The following CHST8 variants were observed in gnomAD, a reference collection of about 807,000 sequenced individuals.
CHST8 encodes carbohydrate sulfotransferase 8.
A neutral mutation model predicts 15.0 loss-of-function variants in CHST8; 10 were observed. The observed-to-expected ratio is 0.67, with a 90% CI of 0.41 to 1.13. The LOEUF is 1.13. Ranked by LOEUF, CHST8 falls within the 50% of genes most tolerant of loss-of-function variation. The probability of loss-of-function intolerance (pLI) is 0.00; values close to 1 mark genes in which losing one functional copy is unlikely to be tolerated. For synonymous variants in CHST8, 259 were observed against 256.6 expected (o/e 1.01, Z -0.09); for missense variants, 634 against 608.2 (o/e 1.04, Z -0.45).
chr19:33,752,680 T>G (rs925607164), intron 3 of CHST8, among the ~76,000 whole-genome samples: 7 of 152,158 alleles, frequency 4.6e-5, no homozygotes, highest in African/African-American at 1.7e-4. Context: ...GTGTTTGGAC[T>G]CTGATTGTGG....
chr19:33,643,293 A>G (rs547253104), intron 1 of CHST8, among the ~76,000 whole-genome samples: 3 of 152,108 alleles, frequency 2.0e-5, no homozygotes, highest in African/African-American at 7.2e-5. Context: ...GAGGGGCGTG[A>G]TTATTGCCTT....
Position 33,668,076 on chromosome 19 carries a change from G to C in CHST8, c.-87+233G>C, listed in dbSNP as rs116475867. Among the ~76,000 whole-genome samples, 906 of 152,258 alleles carry C rather than the reference G, an allele frequency of 6.0e-3. 9 individuals carry two copies. The highest frequency in any genetic ancestry group is 0.02 in the African/African-American group (850 of 41,542). On this transcript the variant is annotated intron_variant, in intron 2 of 4. Transcript: ENST00000650847. Reference sequence around the variant, plus strand: ...AGTGGGCCTAACCCCGAGTGAATGCGTCAGACAGCACATCTGACACTCGGT... The same window carrying C: ...AGTGGGCCTAACCCCGAGTGAATGCCTCAGACAGCACATCTGACACTCGGT...
rs1490761166 is a variant in CHST8, at chr19:33,772,119, C to G, written c.331C>G (p.Arg111Gly). Residue 111 changes from arginine to glycine, a missense_variant, in exon 5 of 5, where the codon CGT becomes GGT. Coordinates refer to ENST00000650847, the MANE Select transcript of CHST8 (RefSeq NM_001127895.2). ...RGTRLRLRQRRRRLLIKKMPA... is the reference protein window; with the variant it reads ...RGTRLRLRQRGRRLLIKKMPA... Reference sequence around the variant, plus strand: ...AACCCGTCTGCGGCTCCGCCAGCGCCGTCGCCGTCTGCTCATCAAGAAAAT... The same window carrying G: ...AACCCGTCTGCGGCTCCGCCAGCGCGGTCGCCGTCTGCTCATCAAGAAAAT... 5 of 1,610,654 alleles carry G rather than the reference C, an allele frequency of 3.1e-6. No homozygotes were observed. Among genetic ancestry groups the G allele is most frequent in the Non-Finnish European group, 4.2e-6 (5 of 1,179,014 alleles).
chr19:33,634,361 CATT>C (rs1484986836), intron 1 of CHST8, among the ~76,000 whole-genome samples: 2 of 152,210 alleles, frequency 1.3e-5, no homozygotes, highest in Non-Finnish European at 2.9e-5. Flanking sequence ...GACCTGGAAA[CATT>C]ATTCAACAAA....
At chr19:33,762,863 TC>T (rs869122080) in intron 3 of CHST8, among the ~76,000 whole-genome samples, 1,459 of 86,868 alleles carry the variant, frequency 0.017, 18 homozygotes, top group African/African-American at 0.041. Context: ...CAGTTTTCTC[TC>T]TTTTTTTTTT....
chr19:33,634,629 A>G (rs1346191826), intron 1 of CHST8, among the ~76,000 whole-genome samples: 1 of 123,822 alleles, frequency 8.1e-6, no homozygotes, highest in Non-Finnish European at 1.6e-5. Flanking sequence ...ACAGCCCTTG[A>G]CCCATTGGTC....
intron 1 of CHST8, among the ~76,000 whole-genome samples, chr19:33,634,630 C>G (rs1161847370): frequency 1.4e-5 from 2 of 146,836 alleles, no homozygotes; most frequent in Non-Finnish European, 3.0e-5. Context: ...CAGCCCTTGA[C>G]CCATTGGTCC....
chr19:33,771,851 A>G (rs1599647664), intron 4 of CHST8, 106 bp from the exon 5 acceptor site: 1 of 1,331,392 alleles, frequency 7.5e-7, no homozygotes, highest in East Asian at 2.3e-5. Context: ...TGTCTCCCTC[A>G]CCTGAGAGGG....
intron 3 of CHST8, among the ~76,000 whole-genome samples, chr19:33,750,733 T>C (rs866482893): frequency 1.3e-5 from 2 of 152,144 alleles, no homozygotes; most frequent in African/African-American, 4.8e-5. Context: ...ACGGTTCTCT[T>C]ACAAGGCCCC....
chr19:33,706,524 C>T (rs1234703569), intron 3 of CHST8, among the ~76,000 whole-genome samples: 1 of 152,158 alleles, frequency 6.6e-6, no homozygotes, highest in Admixed American at 6.5e-5. Context: ...ATGTCACCTG[C>T]CAGGTCATGG....
At chr19:33,655,858 T>C (rs1035349668) in intron 1 of CHST8, among the ~76,000 whole-genome samples, 1 of 152,222 alleles carries the variant, frequency 6.6e-6, no homozygotes, top group Non-Finnish European at 1.5e-5. Context: ...TATTTATTCA[T>C]CCTGCTGTTC....
chr19:33,717,423 T>C (rs1186150880), intron 3 of CHST8, among the ~76,000 whole-genome samples: 1 of 151,798 alleles, frequency 6.6e-6, no homozygotes, highest in Non-Finnish European at 1.5e-5. Flanking sequence ...ATCACACCAC[T>C]GCACTCCAGC....
At chr19:33,753,441 CT>C (rs1974462393) in intron 3 of CHST8, among the ~76,000 whole-genome samples, 1 of 26,068 alleles carries the variant, frequency 3.8e-5, no homozygotes, top group African/African-American at 2.6e-4. Context: ...ACCCTCCATC[CT>C]CCCACCACCC....
intron 1 of CHST8, among the ~76,000 whole-genome samples, chr19:33,666,510 G>A (rs929428869): frequency 7.2e-5 from 11 of 152,202 alleles, no homozygotes; most frequent in African/African-American, 1.9e-4. Context: ...AGAAGGAACC[G>A]GAAGGTGGGA....
rs540572773 is a variant in CHST8 at position 33,649,615 on chromosome 19, C to T, written c.-163-18152C>T. Among the ~76,000 whole-genome samples the T allele has an allele frequency of 5.9e-5, 9 of 152,276 alleles. No individual in the cohort carries two copies. In the South Asian group the frequency reaches 1.2e-3, roughly 21 times the overall value. On this transcript the variant is annotated intron_variant, in intron 1 of 4. Coordinates refer to ENST00000650847, the MANE Select transcript of CHST8 (RefSeq NM_001127895.2). Reference sequence around the variant, plus strand: ...ACTGAACAAACATGCACGTTACATGCGTCCCATGTTTACCTTGTTTACCTT... The same window carrying T: ...ACTGAACAAACATGCACGTTACATGTGTCCCATGTTTACCTTGTTTACCTT...
intron 3 of CHST8, among the ~76,000 whole-genome samples, chr19:33,697,029 G>A (rs1039181792): frequency 6.6e-6 from 1 of 151,806 alleles, no homozygotes; most frequent in Non-Finnish European, 1.5e-5. Flanking sequence ...ATTTTTAGTA[G>A]AGATGGGGTT....
At chr19:33,764,272 T>C (rs1974789130) in intron 3 of CHST8, among the ~76,000 whole-genome samples, 1 of 152,018 alleles carries the variant, frequency 6.6e-6, no homozygotes, top group African/African-American at 2.4e-5. Flanking sequence ...CCTTCACTAC[T>C]GATCAGCAGG....
intron 2 of CHST8, among the ~76,000 whole-genome samples, chr19:33,673,677 G>C (rs920659291): frequency 6.6e-6 from 1 of 152,164 alleles, no homozygotes; most frequent in African/African-American, 2.4e-5. Flanking sequence ...CTTCCTCCTG[G>C]GCATGCTGGG....
intron 3 of CHST8, among the ~76,000 whole-genome samples, chr19:33,700,084 G>A (rs182970964): frequency 1.6e-4 from 24 of 152,302 alleles, no homozygotes; most frequent in Admixed American, 1.3e-3. Context: ...GCAGCTGGGC[G>A]TCTAAGCCCA....
Sources: gnomAD v4.1 joint callset for allele counts (sites outside exome capture counted in the v4.1 genomes callset) on GRCh38, gnomAD v4.1.1 for gene constraint, MANE v1.5 for transcripts, NCBI Gene and HGNC (gene_info 2026-07-23, HGNC 2026-07-21) for gene names.